CDH13: variants seen among roughly 807,000 people sequenced by gnomAD.
CDH13 encodes cadherin 13.
Under a neutral mutation model 63.8 loss-of-function variants are expected in CDH13, and 24 were observed. That is an observed-to-expected ratio of 0.38 (90% CI 0.27 to 0.53). The LOEUF (loss-of-function observed/expected upper bound fraction) is 0.53, where lower values mean the gene tolerates loss of function less well. CDH13 is among the 20% of genes least tolerant of loss of function. The pLI, the probability that CDH13 is intolerant of heterozygous loss-of-function variation, is 0.85. For synonymous variants in CDH13, 503 were observed against 355.3 expected (o/e 1.42, Z -4.67); for missense variants, 1,049 against 903.1 (o/e 1.16, Z -2.07).
At chr16:83,199,694 T>A (rs1057284397) in intron 4 of CDH13, among the ~76,000 whole-genome samples, 1 of 152,148 alleles carries the variant, frequency 6.6e-6, no homozygotes, top group Non-Finnish European at 1.5e-5. Context: ...TACTCATGAG[T>A]GTCGTTAACA....
chr16:83,438,953 A>T (rs1400281070), intron 6 of CDH13, among the ~76,000 whole-genome samples: 1 of 152,192 alleles, frequency 6.6e-6, no homozygotes, highest in African/African-American at 2.4e-5. Context: ...TATCATGCAT[A>T]TCCTCATCAC....
At chr16:83,371,022 A>T (rs991194199) in intron 6 of CDH13, among the ~76,000 whole-genome samples, 7 of 152,336 alleles carry the variant, frequency 4.6e-5, no homozygotes, top group African/African-American at 1.4e-4. Flanking sequence ...ATTACTAAAA[A>T]GTCAAAACGA....
intron 7 of CDH13, among the ~76,000 whole-genome samples, chr16:83,568,298 A>G (rs1382616660): frequency 6.6e-6 from 1 of 152,238 alleles, no homozygotes; most frequent in Non-Finnish European, 1.5e-5. Flanking sequence ...TCTTATAAAG[A>G]TGAACTGGAG....
chr16:83,779,679 C>T (rs1219969825), intron 11 of CDH13, among the ~76,000 whole-genome samples: 3 of 151,734 alleles, frequency 2.0e-5, no homozygotes, highest in African/African-American at 7.3e-5. Flanking sequence ...AAAAATTATC[C>T]TCTTAGATGT....
intron 7 of CDH13, among the ~76,000 whole-genome samples, chr16:83,570,972 A>ATATATATATATATATATATATCTATAT (rs57638289): frequency 9.1e-6 from 1 of 109,628 alleles, no homozygotes; most frequent in Non-Finnish European, 1.8e-5. Flanking sequence ...TATATATATA[A>ATATATATATATATATATATATCTATAT]AAACCTTCTG....
intron 7 of CDH13, among the ~76,000 whole-genome samples, chr16:83,511,177 C>T (rs1318840625): frequency 2.0e-5 from 3 of 152,198 alleles, no homozygotes; most frequent in Non-Finnish European, 2.9e-5. Context: ...CAGAATGGTT[C>T]GTGGCCGGGT....
At chr16:82,686,740 G>C (rs1218600059) in intron 1 of CDH13, among the ~76,000 whole-genome samples, 3 of 152,154 alleles carry the variant, frequency 2.0e-5, no homozygotes, top group Non-Finnish European at 2.9e-5. Flanking sequence ...TGATGCACAG[G>C]GGAAATAGAG....
intron 1 of CDH13, among the ~76,000 whole-genome samples, chr16:82,795,819 G>T (rs187331789): frequency 6.6e-6 from 1 of 152,080 alleles, no homozygotes; most frequent in African/African-American, 2.4e-5. Context: ...CTGATGAGCT[G>T]CCAGGCTCAG....
intron 3 of CDH13, 108 bp downstream of exon 3, chr16:83,032,326 GTTA>G: frequency 2.4e-6 from 2 of 816,628 alleles, no homozygotes; most frequent in Non-Finnish European, 3.8e-6. Context: ...GATTCCTTTT[GTTA>G]TTGTTGTTGC....
At chr16:82,759,015 A>T (rs1172563895) in intron 1 of CDH13, among the ~76,000 whole-genome samples, 2 of 152,122 alleles carry the variant, frequency 1.3e-5, no homozygotes, top group African/African-American at 4.8e-5. Flanking sequence ...ATCCTTCTTC[A>T]CTTTCTAAGG....
chr16:83,016,822 G>A (rs1040992007), intron 2 of CDH13, among the ~76,000 whole-genome samples: 2 of 148,310 alleles, frequency 1.3e-5, no homozygotes, highest in Non-Finnish European at 3.0e-5. Flanking sequence ...GGATCTTTTT[G>A]TACAAAAGAT....
chr16:83,121,092 G>A (rs776060637), intron 3 of CDH13, among the ~76,000 whole-genome samples: 12 of 152,076 alleles, frequency 7.9e-5, no homozygotes, highest in Admixed American at 2.6e-4. Flanking sequence ...TGTTGGGTTC[G>A]TTTTGGGTGG....
At chr16:83,666,010 A>C (rs1290792045) in intron 8 of CDH13, among the ~76,000 whole-genome samples, 1 of 152,262 alleles carries the variant, frequency 6.6e-6, no homozygotes, top group Non-Finnish European at 1.5e-5. Flanking sequence ...AGCCCAGTAC[A>C]TAGTCCCAAC....
chr16:83,319,260 G>A (rs1031536287), intron 5 of CDH13, among the ~76,000 whole-genome samples: 2 of 152,158 alleles, frequency 1.3e-5, no homozygotes, highest in African/African-American at 4.8e-5. Flanking sequence ...ATATTGGCAT[G>A]TTTGGATATC....
chr16:82,946,740 CAT>C (rs1904765449), intron 2 of CDH13, among the ~76,000 whole-genome samples: 1 of 148,214 alleles, frequency 6.7e-6, no homozygotes, highest in African/African-American at 2.5e-5. Context: ...AAAGAAAAAA[CAT>C]ACTCATTCAG....
chr16:82,957,721 T>C (rs1302407896), intron 2 of CDH13, among the ~76,000 whole-genome samples: 4 of 152,184 alleles, frequency 2.6e-5, no homozygotes, highest in Non-Finnish European at 5.9e-5. Context: ...AGCTTTATTT[T>C]CCCACAAGGA....
At chr16:82,769,716 A>G (rs1317566351) in intron 1 of CDH13, among the ~76,000 whole-genome samples, 8 of 152,230 alleles carry the variant, frequency 5.3e-5, no homozygotes, top group Non-Finnish European at 1.2e-4. Flanking sequence ...CAAATTATTC[A>G]CAGAAAGACA....
intron 1 of CDH13, among the ~76,000 whole-genome samples, chr16:82,832,634 T>G (rs546153539): frequency 1.4e-4 from 22 of 152,274 alleles, no homozygotes; most frequent in African/African-American, 4.8e-4. Flanking sequence ...AACATTCTTT[T>G]CAACTATTAT....
chr16:83,722,914 C>G (rs1909887346), intron 10 of CDH13, among the ~76,000 whole-genome samples: 1 of 152,216 alleles, frequency 6.6e-6, no homozygotes, highest in Non-Finnish European at 1.5e-5. Context: ...ACTGAGGTCC[C>G]ACTGAGGAAG....
Sources: allele counts gnomAD v4.1 joint callset (sites outside exome capture counted in the v4.1 genomes callset), GRCh38; gene constraint gnomAD v4.1.1; transcripts MANE v1.5; gene names NCBI Gene and HGNC (gene_info 2026-07-23, HGNC 2026-07-21).